DLG2: variants seen among roughly 807,000 people sequenced by gnomAD.
DLG2 encodes discs large MAGUK scaffold protein 2, also known as disks large homolog 2.
In DLG2, 45 loss-of-function variants were observed where a neutral mutation model predicts 132.5. The ratio of observed to expected loss-of-function variants is 0.34; its 90% CI spans 0.27 to 0.44. DLG2 has a LOEUF of 0.44. Ranked by LOEUF, DLG2 falls within the 20% of genes least tolerant of loss-of-function variation. The pLI is 1.00. For synonymous variants in DLG2, 424 were observed against 419.6 expected, an observed-to-expected ratio of 1.01 and a Z score of -0.13; for missense variants, 1,045 against 1,196.9, an observed-to-expected ratio of 0.87 and a Z score of 1.87.
chr11:83,682,069 C>T lies in DLG2; in HGVS notation c.1826-48744G>A, dbSNP rs558286461. The T allele has an allele frequency of 5.4e-4, 499 of 924,570 alleles. 5 individuals carry two copies. In the South Asian group the frequency reaches 0.016, roughly 29 times the overall value. 57.3% of individuals were successfully genotyped at this position (924,570 alleles called of 1,614,324 possible). On this transcript the variant is annotated intron_variant, in intron 18 of 27. Transcript: ENST00000376104. ...TCAGGAGCCCAAACACTGACACACA[C>T]TTCTGACAGCAAGTGCCTATTCCAA...
At chr11:83,537,290 TCAGGCTTGGAGCATTGGA>T (rs1300708428) in intron 20 of DLG2, among the ~76,000 whole-genome samples, 2 of 152,142 alleles carry the variant, frequency 1.3e-5, no homozygotes, top group African/African-American at 4.8e-5. Flanking sequence ...CATAATTGGG[TCAGGCTTGGAGCATTGGA>T]CAGTGGGAAC....
rs917299739 is a variant in DLG2, at chr11:84,501,692, C to T, written c.519+32878G>A. Among the ~76,000 whole-genome samples the T allele has an allele frequency of 2.0e-5, 3 of 152,094 alleles. No homozygotes were observed. The South Asian group carries it at 6.3e-4, about 32-fold the overall frequency. On this transcript the variant is annotated intron_variant, in intron 7 of 27. Coordinates refer to ENST00000376104, the MANE Select transcript of DLG2 (RefSeq NM_001142699.3). ...TTACTGTAAACTTTCCAGTACAATG[C>T]AAATATAAAGTAGATTATTCTCTAT... is the stretch of plus-strand genomic sequence containing the variant.
At chr11:85,376,553 G>T (rs1354506483) in intron 3 of DLG2, among the ~76,000 whole-genome samples, 2 of 152,068 alleles carry the variant, frequency 1.3e-5, no homozygotes, top group African/African-American at 4.8e-5. Context: ...TTTCAGTATA[G>T]TAAAAAACTT....
intron 19 of DLG2, among the ~76,000 whole-genome samples, chr11:83,558,821 C>T (rs948886730): frequency 6.7e-6 from 1 of 150,252 alleles, no homozygotes; most frequent in African/African-American, 2.5e-5. Context: ...TAACTACCTA[C>T]TCCCGGTAAA....
chr11:84,876,563 T>C (rs1357132528), intron 6 of DLG2, among the ~76,000 whole-genome samples: 1 of 152,188 alleles, frequency 6.6e-6, no homozygotes, highest in Non-Finnish European at 1.5e-5. Context: ...TCTATTTGAT[T>C]ATTTTCTCTT....
chr11:84,832,630 A>G (rs1218738801), intron 6 of DLG2, among the ~76,000 whole-genome samples: 1 of 151,684 alleles, frequency 6.6e-6, no homozygotes, highest in Non-Finnish European at 1.5e-5. Flanking sequence ...AGCAACATAA[A>G]TAAGTAATCA....
intron 6 of DLG2, among the ~76,000 whole-genome samples, chr11:84,984,057 A>G (rs1182748767): frequency 6.6e-6 from 1 of 152,234 alleles, no homozygotes; most frequent in Non-Finnish European, 1.5e-5. Flanking sequence ...GAGTAAAAAG[A>G]GAAATCTGAA....
At chr11:85,222,827 G>A (rs2152614738) in intron 4 of DLG2, among the ~76,000 whole-genome samples, 1 of 152,246 alleles carries the variant, frequency 6.6e-6, no homozygotes, top group Admixed American at 6.5e-5. Flanking sequence ...TCCTATGGTA[G>A]CTTCCCTGGT....
At chr11:83,876,173 C>A (rs571269878) in intron 15 of DLG2, among the ~76,000 whole-genome samples, 121 of 152,240 alleles carry the variant, frequency 7.9e-4, no homozygotes, top group Middle Eastern at 3.4e-3. Context: ...GGGATAGTAA[C>A]AGGACTTTCC....
chr11:83,565,695 G>C (rs567150745), intron 19 of DLG2, among the ~76,000 whole-genome samples: 2 of 152,284 alleles, frequency 1.3e-5, no homozygotes, highest in African/African-American at 2.4e-5. Context: ...AAGGGTATAT[G>C]ATATGCAGTT....
At chr11:85,000,603 C>T (rs986215334) in intron 6 of DLG2, among the ~76,000 whole-genome samples, 7 of 152,174 alleles carry the variant, frequency 4.6e-5, no homozygotes, top group Non-Finnish European at 1.0e-4. Flanking sequence ...GCCTATACTA[C>T]ATGCTTAATA....
At chr11:84,469,556 T>C (rs916441678) in intron 7 of DLG2, among the ~76,000 whole-genome samples, 1 of 151,636 alleles carries the variant, frequency 6.6e-6, no homozygotes, top group Non-Finnish European at 1.5e-5. Flanking sequence ...TTCTTTGTTC[T>C]CATTCTGTAT....
At chr11:83,646,565 T>G (rs537419285) in intron 18 of DLG2, 11 of 152,512 alleles carry the variant, frequency 7.2e-5, no homozygotes, top group African/African-American at 2.6e-4. Flanking sequence ...TTTTGTATCA[T>G]CTGTCTCCAT....
chr11:85,210,795 A>C (rs542607790), intron 4 of DLG2, among the ~76,000 whole-genome samples: 2 of 152,100 alleles, frequency 1.3e-5, no homozygotes, highest in Non-Finnish European at 2.9e-5. Context: ...CCATCAACTT[A>C]GCTGAAACTT....
chr11:83,633,397 C>T lies in DLG2; in HGVS notation c.1826-72G>A, dbSNP rs72952532. 8.8e-3 allele frequency: 10,908 copies of T among 1,234,858 alleles called. 330 individuals carry two copies. Among genetic ancestry groups the T allele is most frequent in the Non-Finnish European group, 4.9e-3 (4,199 of 853,632 alleles). 76.5% of individuals were successfully genotyped at this position (1,234,858 alleles called of 1,614,324 possible). On this transcript the variant is annotated intron_variant, in intron 18 of 27. Coordinates refer to ENST00000376104, the MANE Select transcript of DLG2 (RefSeq NM_001142699.3). ...AGTTGGAAATGCTGCACAGCCCAGG[C>T]AGCCCCTCACCCACGTTGTTGGTTC...
At chr11:85,245,038 T>G (rs574786983) in intron 4 of DLG2, among the ~76,000 whole-genome samples, 26 of 152,066 alleles carry the variant, frequency 1.7e-4, no homozygotes, top group African/African-American at 4.8e-4. Context: ...AAAAATTTAC[T>G]TCTGCTCATT....
intron 8 of DLG2, among the ~76,000 whole-genome samples, chr11:84,166,500 C>CAAAAAAAAAAAAA (rs398016937): frequency 4.9e-5 from 4 of 80,986 alleles, no homozygotes; most frequent in South Asian, 5.3e-4. Flanking sequence ...GACTCTGCTT[C>CAAAAAAAAAAAAA]AAAAAAAAAA....
At chr11:84,390,962 T>C (rs192812621) in intron 7 of DLG2, among the ~76,000 whole-genome samples, 1 of 152,098 alleles carries the variant, frequency 6.6e-6, no homozygotes, top group East Asian at 1.9e-4. Flanking sequence ...TGTTGGAGAG[T>C]TGCAGACAAC....
chr11:84,741,098 G>T, intron 6 of DLG2, among the ~76,000 whole-genome samples: 1 of 116,764 alleles, frequency 8.6e-6, no homozygotes, highest in East Asian at 2.4e-4. Context: ...ATGGAGTCTC[G>T]TTCTGTCGCC....
Sources: gnomAD v4.1 joint callset for allele counts (sites outside exome capture counted in the v4.1 genomes callset) on GRCh38, gnomAD v4.1.1 for gene constraint, MANE v1.5 for transcripts, NCBI Gene and HGNC (gene_info 2026-07-23, HGNC 2026-07-21) for gene names.